The following ZBTB38 variants were observed in gnomAD, a reference collection of about 807,000 sequenced individuals.
The protein encoded by ZBTB38 is zinc finger and BTB domain-containing protein 38.
ZBTB38 carries 20 observed loss-of-function variants against 76.8 expected under a neutral mutation model. The observed-to-expected ratio is 0.26, with a 90% CI of 0.18 to 0.38. The LOEUF is 0.38. Among genes scored for constraint, ZBTB38 ranks in the 10% least tolerant of loss-of-function variants. ZBTB38 has a pLI of 1.00. For synonymous variants in ZBTB38, 504 were observed against 544.2 expected (o/e 0.93, Z 1.03); for missense variants, 1,082 against 1,482.3 (o/e 0.73, Z 4.43).
chr3:141,404,635 A>C (rs563801061), intron 5 of ZBTB38, among the ~76,000 whole-genome samples: 1 of 152,202 alleles, frequency 6.6e-6, no homozygotes, highest in Non-Finnish European at 1.5e-5. Context: ...ATTTGTGTGC[A>C]TGTGTACGCT....
At chr3:141,366,546 C>T (rs1238143902), upstream of ZBTB38, 4 of 152,252 alleles carry the variant, frequency 2.6e-5, no homozygotes, top group Admixed American at 6.5e-5. Context: ...AAATTCACCT[C>T]TATAAATTCC....
chr3:141,443,664 G>C lies in ZBTB38; in HGVS notation c.1276G>C (p.Glu426Gln). 1 of 1,614,186 alleles carries C rather than the reference G, an allele frequency of 6.2e-7. No homozygotes were observed. Among genetic ancestry groups the C allele is most frequent in the Non-Finnish European group, 8.5e-7 (1 of 1,180,052 alleles). The change falls in exon 6 of 6, where the codon GAA becomes CAA. Residue 426 changes from glutamate (E) to glutamine (Q), a missense_variant. Coordinates refer to ENST00000321464, the MANE Select transcript of ZBTB38 (RefSeq NM_001376113.1). This position sits in a 1 kb window ranked among gnomAD's most constrained non-coding sequence, Gnocchi z 5.6. ...AAATGGAGGTTCATTCACAGGTCCA[G>C]AACCTTTATTATCTGAAAATAGGAT... ...GQNGGSFTGP[E>Q]PLLSENRIGE...
intron 1 of ZBTB38, among the ~76,000 whole-genome samples, chr3:141,352,289 G>T (rs1318252016): frequency 6.6e-6 from 1 of 152,136 alleles, no homozygotes; most frequent in East Asian, 1.9e-4. Context: ...TATCTGGGAT[G>T]TATAATCCCA....
intron 5 of ZBTB38, among the ~76,000 whole-genome samples, chr3:141,408,553 GAAAA>G (rs961588170): frequency 2.2e-5 from 3 of 137,744 alleles, no homozygotes; most frequent in African/African-American, 8.0e-5. Context: ...TCTCAAAAAA[GAAAA>G]AAAAAAAGAA....
At chr3:141,386,702 T>C (rs1947214480) in intron 3 of ZBTB38, 170 bp from the exon 4 acceptor site, 1 of 152,668 alleles carries the variant, frequency 6.6e-6, no homozygotes, top group South Asian at 2.1e-4. Flanking sequence ...AAAAGGATTG[T>C]TTGATTCTCA....
chr3:141,333,080 C>T (rs1942899784), intron 1 of ZBTB38, among the ~76,000 whole-genome samples: 1 of 152,186 alleles, frequency 6.6e-6, no homozygotes, highest in Non-Finnish European at 1.5e-5. Flanking sequence ...TGAAGCTCCA[C>T]AGTGAGTTCT....
At chr3:141,383,150 T>C (rs1946441329) in intron 3 of ZBTB38, among the ~76,000 whole-genome samples, 1 of 152,120 alleles carries the variant, frequency 6.6e-6, no homozygotes, top group Non-Finnish European at 1.5e-5. Flanking sequence ...CTCTGATCAA[T>C]GTGGAAGGCA....
At chr3:141,335,774 C>A (rs1306521658) in intron 1 of ZBTB38, among the ~76,000 whole-genome samples, 4 of 152,196 alleles carry the variant, frequency 2.6e-5, no homozygotes, top group African/African-American at 7.2e-5. Flanking sequence ...TGTTTCATCA[C>A]AATAGTAACC....
At chr3:141,421,904 A>G (rs182113173) in intron 5 of ZBTB38, among the ~76,000 whole-genome samples, 1 of 152,350 alleles carries the variant, frequency 6.6e-6, no homozygotes, top group East Asian at 1.9e-4. Context: ...GGGACCCAGG[A>G]GCATTTCCTT....
At chr3:141,406,581 G>A (rs1954532564) in intron 5 of ZBTB38, among the ~76,000 whole-genome samples, 1 of 152,208 alleles carries the variant, frequency 6.6e-6, no homozygotes, top group Non-Finnish European at 1.5e-5. Flanking sequence ...CGCTCCACAA[G>A]AAGGCCAGGG....
chr3:141,444,112 G>C lies in ZBTB38; in HGVS notation c.1724G>C (p.Arg575Thr), dbSNP rs2080762606. Reference sequence around the variant, plus strand: ...AGGCTACTGCCTATGAAATGCAAGAGAGCCCCTTATAAGAGCTACCGAAAT... The same window carrying C: ...AGGCTACTGCCTATGAAATGCAAGACAGCCCCTTATAAGAGCTACCGAAAT... ...LYRLLPMKCK[R>T]APYKSYRNSS... is the part of the protein sequence containing the mutation. The change falls in exon 6 of 6, where the codon AGA (arginine) becomes ACA (threonine). Residue 575 changes from arginine (R) to threonine (T), a missense_variant. Physicochemically the swap from Arg to Thr is moderately conservative, Grantham distance 71. Transcript: ENST00000321464. The surrounding 1 kb of genome is among the most constrained non-coding windows in gnomAD (Gnocchi z 5.1). 1.2e-6 allele frequency: 2 copies of C among 1,613,932 alleles called. No individual in the cohort carries two copies. Among genetic ancestry groups the C allele is most frequent in the African/African-American group, 1.3e-5 (1 of 74,990 alleles).
At chr3:141,342,324 G>A (rs1272318184) in intron 1 of ZBTB38, among the ~76,000 whole-genome samples, 2 of 148,550 alleles carry the variant, frequency 1.3e-5, no homozygotes, top group African/African-American at 5.0e-5. Context: ...TACCAGGCAA[G>A]CTGGGACCAA....
intron 5 of ZBTB38, chr3:141,426,287 G>T: frequency 2.2e-6 from 2 of 897,772 alleles, no homozygotes; most frequent in Non-Finnish European, 3.1e-6. Flanking sequence ...CCAAACCCTG[G>T]CTCAGTGTCA....
intron 1 of ZBTB38, among the ~76,000 whole-genome samples, chr3:141,336,943 G>A (rs970407298): frequency 6.6e-6 from 1 of 152,300 alleles, no homozygotes; most frequent in Non-Finnish European, 1.5e-5. Flanking sequence ...TACTTCAAAT[G>A]GGGTGTGTTA....
chr3:141,388,794 C>A (rs549160028), intron 4 of ZBTB38: 5 of 152,176 alleles, frequency 3.3e-5, no homozygotes, highest in Admixed American at 6.5e-5. Flanking sequence ...AAAAATTAAG[C>A]CATGTTTCTA....
intron 4 of ZBTB38, among the ~76,000 whole-genome samples, chr3:141,399,706 C>T (rs947299333): frequency 2.0e-5 from 3 of 152,130 alleles, no homozygotes; most frequent in Non-Finnish European, 4.4e-5. Flanking sequence ...ACAAAGACAG[C>T]AAGCAGGTTT....
rs1388561133 is a variant in ZBTB38, at chr3:141,434,087, G to T, written c.1-8302G>T. On this transcript the variant is annotated intron_variant, in intron 5 of 5. Transcript: ENST00000321464. ...AGGGAGTACAAAGATGAATCAGATTGTCCCTGTACTCAAGGAGCTCATAGG... is the reference window on the plus strand; with the variant it reads ...AGGGAGTACAAAGATGAATCAGATTTTCCCTGTACTCAAGGAGCTCATAGG... 18 of 475,486 alleles carry T rather than the reference G, an allele frequency of 3.8e-5. No homozygotes were observed. The Admixed American group carries it at 1.2e-3, about 30-fold the overall frequency. 29.5% of individuals were successfully genotyped at this position (475,486 alleles called of 1,614,324 possible).
Position 141,442,943 on chromosome 3 carries a change from G to C in ZBTB38, c.555G>C (p.Leu185Phe), listed in dbSNP as rs2080552421. 1 of 1,614,238 alleles carries C rather than the reference G, an allele frequency of 6.2e-7. No homozygotes were observed. Among genetic ancestry groups the C allele is most frequent in the Non-Finnish European group, 8.5e-7 (1 of 1,180,054 alleles). Residue 185 changes from leucine (L) to phenylalanine (F), a missense_variant, in exon 6 of 6, where the codon TTG becomes TTC. Coordinates refer to ENST00000321464, the MANE Select transcript of ZBTB38 (RefSeq NM_001376113.1). This position sits in a 1 kb window ranked among gnomAD's most constrained non-coding sequence, Gnocchi z 6.4. ...NSNNMFSPLDLRASFKKVSDS... is the reference protein window; with the variant it reads ...NSNNMFSPLDFRASFKKVSDS... ...ATAACATGTTTTCCCCGCTGGACTT[G>C]AGGGCAAGTTTCAAAAAGGTCTCCG...
chr3:141,391,444 C>G (rs948449192), intron 4 of ZBTB38, among the ~76,000 whole-genome samples: 42 of 152,232 alleles, frequency 2.8e-4, no homozygotes, highest in African/African-American at 1.0e-3. Context: ...GGTAAGCTTC[C>G]CCTACAGTAA....
Sources: gnomAD v4.1 joint callset for allele counts (sites outside exome capture counted in the v4.1 genomes callset) on GRCh38, gnomAD v4.1.1 for gene constraint, Gnocchi (gnomAD v3.1) non-coding constraint, MANE v1.5 for transcripts, NCBI Gene and HGNC (gene_info 2026-07-23, HGNC 2026-07-21) for gene names.